Variants in TENM2 observed in about 807,000 individuals in gnomAD.
TENM2 encodes teneurin-2.
Under a neutral mutation model 245.2 loss-of-function variants are expected in TENM2, and 52 were observed. The observed-to-expected ratio is 0.21, with a 90% CI of 0.17 to 0.27. The LOEUF is 0.27. Ranked by LOEUF, TENM2 falls within the 10% of genes least tolerant of loss-of-function variation. The pLI, the probability that TENM2 is intolerant of heterozygous loss-of-function variation, is 1.00. For synonymous variants in TENM2, 1,363 were observed against 1,438.9 expected, an observed-to-expected ratio of 0.95 and a Z score of 1.19; for missense variants, 3,046 against 3,666.8, an observed-to-expected ratio of 0.83 and a Z score of 4.37.
intron 2 of TENM2, among the ~76,000 whole-genome samples, chr5:167,659,261 A>G (rs1437131101): frequency 6.6e-6 from 1 of 152,200 alleles, no homozygotes; most frequent in African/African-American, 2.4e-5. Context: ...GAGGAAAACA[A>G]ATGATGCTTA....
the TENM2 span, among the ~76,000 whole-genome samples, chr5:167,094,037 G>A: frequency 1.7e-4 from 26 of 152,300 alleles, no homozygotes; most frequent in African/African-American, 6.0e-4. Context: ...TAAACAGGTA[G>A]CAGGGAAGAT....
In TENM2 at chr5:167,951,868, G is replaced by A. The variant is rs561199172; in HGVS notation, c.713-720G>A. 2.7e-3 allele frequency among the ~76,000 whole-genome samples: 411 copies of A among 151,232 alleles called. 2 individuals are homozygous for A. Among genetic ancestry groups the A allele is most frequent in the African/African-American group, 9.2e-3 (379 of 41,320 alleles). On this transcript the variant is annotated intron_variant, in intron 3 of 28. Transcript: ENST00000518659. ...TATGTGTGTATACACACATACATAC[G>A]CAAATATGTGTGTATACACACATAC...
chr5:167,647,064 A>G (rs993718673), intron 2 of TENM2, among the ~76,000 whole-genome samples: 2 of 152,170 alleles, frequency 1.3e-5, no homozygotes, highest in Admixed American at 1.3e-4. Flanking sequence ...GAGGCGTGAT[A>G]ATACCAAAGA....
chr5:168,029,990 A>G (rs1028017940), intron 5 of TENM2, among the ~76,000 whole-genome samples: 4 of 152,094 alleles, frequency 2.6e-5, no homozygotes, highest in African/African-American at 4.8e-5. Context: ...GAAAGCATTC[A>G]TACAAGAGGC....
At chr5:168,060,309 G>A (rs1789930020) in intron 6 of TENM2, among the ~76,000 whole-genome samples, 1 of 152,152 alleles carries the variant, frequency 6.6e-6, no homozygotes, top group African/African-American at 2.4e-5. Context: ...GCTAATTTGG[G>A]GGGCTGAGGC....
chr5:167,060,342 A>T, the TENM2 span, among the ~76,000 whole-genome samples: 1 of 151,952 alleles, frequency 6.6e-6, no homozygotes. Flanking sequence ...TTTTTTAAAA[A>T]TTTAGACCAC....
chr5:167,273,941 C>T, the TENM2 span, among the ~76,000 whole-genome samples: 35 of 152,036 alleles, frequency 2.3e-4, no homozygotes, highest in African/African-American at 7.2e-4. Flanking sequence ...ACTGTCAAAT[C>T]GTATGCAGCC....
intron 2 of TENM2, among the ~76,000 whole-genome samples, chr5:167,752,202 C>T (rs1762003522): frequency 6.6e-6 from 1 of 151,732 alleles, no homozygotes; most frequent in Non-Finnish European, 1.5e-5. Context: ...TCAAGCAATT[C>T]TCCTGCCTCA....
chr5:167,793,003 A>G (rs924577823), intron 2 of TENM2, among the ~76,000 whole-genome samples: 1 of 152,158 alleles, frequency 6.6e-6, no homozygotes, highest in Non-Finnish European at 1.5e-5. Context: ...TTGTACAAAC[A>G]CTTCCTGGAT....
At chr5:167,891,807 T>A (rs981964775) in intron 3 of TENM2, among the ~76,000 whole-genome samples, 4 of 152,130 alleles carry the variant, frequency 2.6e-5, no homozygotes, top group African/African-American at 9.7e-5. Flanking sequence ...GCCAGGTCCT[T>A]GGCTTCCTTC....
the TENM2 span, among the ~76,000 whole-genome samples, chr5:167,158,181 C>T: frequency 6.6e-6 from 1 of 152,126 alleles, no homozygotes; most frequent in Non-Finnish European, 1.5e-5. Context: ...ATATGGTACA[C>T]TGAAAACACA....
At chr5:167,510,435 G>A (rs1228042940) in intron 2 of TENM2, among the ~76,000 whole-genome samples, 2 of 152,142 alleles carry the variant, frequency 1.3e-5, no homozygotes, top group African/African-American at 4.8e-5. Context: ...CACCTTATTC[G>A]CTTTGAAAAT....
the TENM2 span, among the ~76,000 whole-genome samples, chr5:167,274,062 A>G: frequency 6.6e-6 from 1 of 152,142 alleles, no homozygotes; most frequent in African/African-American, 2.4e-5. Flanking sequence ...GTCACAATGA[A>G]GAGACTGACA....
chr5:167,929,126 A>T (rs572817178), intron 3 of TENM2, among the ~76,000 whole-genome samples: 29 of 122,354 alleles, frequency 2.4e-4, no homozygotes, highest in African/African-American at 8.9e-4. Flanking sequence ...AGAAAGAAAG[A>T]AAGAAAAGAA....
At chr5:167,227,943 CTTT>C in the TENM2 span, among the ~76,000 whole-genome samples, 2 of 151,976 alleles carry the variant, frequency 1.3e-5, no homozygotes, top group Non-Finnish European at 2.9e-5. Flanking sequence ...TTTGCTCATT[CTTT>C]TTTATTTTTT....
intron 2 of TENM2, among the ~76,000 whole-genome samples, chr5:167,570,399 A>G (rs1774192236): frequency 1.8e-5 from 1 of 56,258 alleles, no homozygotes; most frequent in African/African-American, 5.0e-5. Flanking sequence ...AAGAAAAAAA[A>G]AAACCTCTTA....
upstream of TENM2, among the ~76,000 whole-genome samples, chr5:167,282,216 A>G (rs930752134): frequency 1.3e-5 from 2 of 152,168 alleles, no homozygotes; most frequent in African/African-American, 4.8e-5. Flanking sequence ...AAGAGAGAAG[A>G]AAATCATCAA....
chr5:167,645,602 T>C (rs536326466), intron 2 of TENM2, among the ~76,000 whole-genome samples: 1 of 152,030 alleles, frequency 6.6e-6, no homozygotes, highest in East Asian at 1.9e-4. Context: ...TTTTTTTTTT[T>C]TCAGTAAACA....
chr5:167,087,881 G>A, the TENM2 span, among the ~76,000 whole-genome samples: 16 of 151,638 alleles, frequency 1.1e-4, no homozygotes, highest in Middle Eastern at 3.4e-3. Flanking sequence ...CCTCTGCCTC[G>A]TGGGTTCCAG....
Sources: allele counts gnomAD v4.1 joint callset (sites outside exome capture counted in the v4.1 genomes callset), GRCh38; gene constraint gnomAD v4.1.1; transcripts MANE v1.5; gene names NCBI Gene and HGNC (gene_info 2026-07-23, HGNC 2026-07-21).